Variants in CHP1 observed in about 807,000 individuals in gnomAD.
CHP1 encodes the protein calcineurin B homologous protein 1.
A neutral mutation model predicts 27.4 loss-of-function variants in CHP1; 11 were observed. That is an observed-to-expected ratio of 0.40 (90% CI 0.25 to 0.67). CHP1 has a LOEUF of 0.67. CHP1 is among the 30% of genes least tolerant of loss of function. CHP1 has a pLI of 0.38. For missense variants in CHP1, 169 were observed against 251.3 expected (o/e 0.67, Z 2.22); for synonymous variants, 89 against 87.4 (o/e 1.02, Z -0.10).
At chr15:41,248,150 T>A (rs536942574) in intron 2 of CHP1, among the ~76,000 whole-genome samples, 88 of 138,084 alleles carry the variant, frequency 6.4e-4, no homozygotes, top group Middle Eastern at 3.7e-3. Flanking sequence ...CTGGCAATAT[T>A]TTTTTTTTTT....
chr15:41,244,877 A>C (rs2047325934), intron 2 of CHP1, among the ~76,000 whole-genome samples: 2 of 152,150 alleles, frequency 1.3e-5, no homozygotes. Context: ...ATTGGCATGT[A>C]ATGAAGCTGT....
In CHP1 at chr15:41,235,491, T is replaced by G. The variant is rs2047272304; in HGVS notation, c.67+4042T>G. On this transcript the variant is annotated intron_variant, in intron 1 of 6. Transcript: ENST00000334660. ...GTGAGCCATGTTCGTGCCACTGCAC[T>G]CTGGCCTGGGAGAAACAGACCCTGT... Among the ~76,000 whole-genome samples, 3 of 152,202 alleles carry G rather than the reference T, an allele frequency of 2.0e-5. No individual in the cohort carries two copies. In the South Asian group the frequency reaches 6.2e-4, roughly 31 times the overall value.
At chr15:41,236,230 C>A (rs1291698923) in intron 1 of CHP1, among the ~76,000 whole-genome samples, 1 of 151,822 alleles carries the variant, frequency 6.6e-6, no homozygotes, top group African/African-American at 2.4e-5. Context: ...AGATGTGAGC[C>A]ACTGTGCCTG....
chr15:41,249,681 C>T (rs920860554), intron 2 of CHP1, among the ~76,000 whole-genome samples: 25 of 151,912 alleles, frequency 1.6e-4, no homozygotes, highest in Non-Finnish European at 1.9e-4. Context: ...ACTGTGTTAG[C>T]CAGGATGGTT....
Position 41,280,148 on chromosome 15 carries a change from A to G in CHP1, c.*759A>G, listed in dbSNP as rs2047538344. Reference sequence around the variant, plus strand: ...TGGCCTTGGTGAGAGGTATGGAGCCAAGTCTTCTAGGTTGCTTGCCCACAT... The same window carrying G: ...TGGCCTTGGTGAGAGGTATGGAGCCGAGTCTTCTAGGTTGCTTGCCCACAT... On this transcript the variant is annotated 3_prime_UTR_variant, in exon 7 of 7. Transcript: ENST00000334660. 1 of 152,256 alleles carries G rather than the reference A, an allele frequency of 6.6e-6. No homozygotes were observed. Among genetic ancestry groups the G allele is most frequent in the African/African-American group, 2.4e-5 (1 of 41,448 alleles). The allele number at this position is 152,256 out of a possible 1,614,324, so 9.4% of individuals were successfully genotyped here.
chr15:41,270,461 CT>C (rs1332468528), intron 4 of CHP1, 95 bp from the exon 5 acceptor site: 1 of 872,706 alleles, frequency 1.1e-6, no homozygotes, highest in Non-Finnish European at 1.9e-6. Flanking sequence ...GATTAATTGG[CT>C]GTCAGTTTTC....
At chr15:41,261,148 C>CCCTTT (rs536912926) in intron 3 of CHP1, among the ~76,000 whole-genome samples, 1 of 149,438 alleles carries the variant, frequency 6.7e-6, no homozygotes, top group Non-Finnish European at 1.5e-5. Flanking sequence ...CCTTTCCTTT[C>CCCTTT]CCTTTCCTTT....
chr15:41,240,756 A>G (rs1159911748), intron 1 of CHP1, among the ~76,000 whole-genome samples: 2 of 150,626 alleles, frequency 1.3e-5, no homozygotes, highest in Non-Finnish European at 3.0e-5. Flanking sequence ...TCTATCTCAA[A>G]AAAAAAAAAA....
intron 5 of CHP1, among the ~76,000 whole-genome samples, chr15:41,274,322 A>G (rs2047507956): frequency 1.3e-5 from 2 of 152,154 alleles, no homozygotes; most frequent in South Asian, 4.1e-4. Flanking sequence ...CTGAGCTGGG[A>G]ATGGAGGCCT....
At chr15:41,244,603 G>A (rs2047324251) in intron 2 of CHP1, among the ~76,000 whole-genome samples, 1 of 152,158 alleles carries the variant, frequency 6.6e-6, no homozygotes, top group Admixed American at 6.6e-5. Context: ...CTAGTGCCTA[G>A]TGGGTTGTGG....
At chr15:41,271,206 G>A (rs376865970) in intron 5 of CHP1, among the ~76,000 whole-genome samples, 9 of 145,224 alleles carry the variant, frequency 6.2e-5, no homozygotes, top group African/African-American at 1.8e-4. Context: ...AGTGAGCAGA[G>A]CTCACTCCAC....
At chr15:41,238,710 ATGG>A (rs113529183) in intron 1 of CHP1, among the ~76,000 whole-genome samples, 75,210 of 150,088 alleles carry the variant, frequency 0.5, 20,359 homozygotes, top group African/African-American at 0.72. Flanking sequence ...TTAGCCAGGC[ATGG>A]TGGTGGCAGG....
chr15:41,250,644 A>G (rs187379511), intron 2 of CHP1, among the ~76,000 whole-genome samples: 115 of 122,588 alleles, frequency 9.4e-4, no homozygotes, highest in Middle Eastern at 3.9e-3. Context: ...AACAAAATCC[A>G]GGTGAGGTTT....
intron 3 of CHP1, 40 bp from the exon 4 acceptor site, chr15:41,262,716 T>C: frequency 6.2e-7 from 1 of 1,606,714 alleles, no homozygotes. Context: ...ATAATCACCG[T>C]GATTGACATG....
In CHP1 at chr15:41,264,110, A is replaced by G. The variant is rs1489426252; in HGVS notation, c.349+1227A>G. 4.4e-6 allele frequency: 4 copies of G among 913,406 alleles called. No individual in the cohort carries two copies. The East Asian group carries it at 1.8e-4, about 42-fold the overall frequency. The allele number at this position is 913,406 out of a possible 1,614,324, so 56.6% of individuals were successfully genotyped here. A position where few individuals can be genotyped will look rare whatever the true frequency, so the allele number is the denominator to read the frequency against. The stretch of plus-strand genomic sequence containing the variant: ...TTTTATCCTAAAGTATTATGGTCAC[A>G]TGGCAGCTCTCAGTTGTTAACAGGG... On this transcript the variant is annotated intron_variant, in intron 4 of 6. Transcript: ENST00000334660.
At chr15:41,260,528 G>C (rs537529995) in intron 3 of CHP1, among the ~76,000 whole-genome samples, 1 of 151,474 alleles carries the variant, frequency 6.6e-6, no homozygotes, top group Non-Finnish European at 1.5e-5. Flanking sequence ...TCAAGTAGCT[G>C]GGATTACAGG....
chr15:41,279,031 T>C, intron 6 of CHP1, 142 bp downstream of exon 6: 1 of 1,053,050 alleles, frequency 9.5e-7, no homozygotes. Flanking sequence ...GCTAACATGG[T>C]GAAACCTCAT....
chr15:41,244,719 G>A (rs185554376), intron 2 of CHP1, among the ~76,000 whole-genome samples: 1 of 152,246 alleles, frequency 6.6e-6, no homozygotes, highest in African/African-American at 2.4e-5. Context: ...CTCTGGTCTA[G>A]GTAAGTATAT....
chr15:41,274,313 T>A (rs952465937), intron 5 of CHP1, among the ~76,000 whole-genome samples: 1 of 152,174 alleles, frequency 6.6e-6, no homozygotes, highest in South Asian at 2.1e-4. Context: ...GAGGGAGCAC[T>A]GAGCTGGGAA....
Sources: allele counts gnomAD v4.1 joint callset (sites outside exome capture counted in the v4.1 genomes callset), GRCh38; gene constraint gnomAD v4.1.1; transcripts MANE v1.5; gene names NCBI Gene and HGNC (gene_info 2026-07-23, HGNC 2026-07-21).